ZSWIM6: variants seen among roughly 807,000 people sequenced by gnomAD.
ZSWIM6 encodes the protein zinc finger SWIM-type containing 6, also known as zinc finger SWIM domain-containing protein 6.
ZSWIM6 carries 9 observed loss-of-function variants against 113.2 expected under a neutral mutation model. That is an observed-to-expected ratio of 0.08 (90% CI 0.05 to 0.14). The LOEUF is 0.14. Among genes scored for constraint, ZSWIM6 ranks in the 10% least tolerant of loss-of-function variants. ZSWIM6 has a pLI of 1.00. For synonymous variants in ZSWIM6, 611 were observed against 606.5 expected (o/e 1.01, Z -0.11); for missense variants, 1,162 against 1,552.2 (o/e 0.75, Z 4.22).
chr5:61,372,001 C>G (rs1184967083), intron 1 of ZSWIM6, among the ~76,000 whole-genome samples: 1 of 151,512 alleles, frequency 6.6e-6, no homozygotes, highest in Non-Finnish European at 1.5e-5. Flanking sequence ...TCTTTAATGT[C>G]TACAGAAGAG....
At chr5:61,443,510 C>A (rs907995290) in intron 1 of ZSWIM6, among the ~76,000 whole-genome samples, 1 of 152,022 alleles carries the variant, frequency 6.6e-6, no homozygotes, top group Non-Finnish European at 1.5e-5. Flanking sequence ...GACCCAATAT[C>A]CAGAAAAAGT....
At chr5:61,422,555 T>C (rs1746375213) in intron 1 of ZSWIM6, among the ~76,000 whole-genome samples, 2 of 152,234 alleles carry the variant, frequency 1.3e-5, no homozygotes, top group Non-Finnish European at 2.9e-5. Flanking sequence ...TTGGGTCTTT[T>C]GTGGTTCCAT....
At chr5:61,504,009 A>G (rs890598593) in intron 4 of ZSWIM6, among the ~76,000 whole-genome samples, 1 of 152,226 alleles carries the variant, frequency 6.6e-6, no homozygotes, top group Non-Finnish European at 1.5e-5. Context: ...AGGTGAAAAT[A>G]TGTGCCTGAT....
intron 7 of ZSWIM6, among the ~76,000 whole-genome samples, chr5:61,529,162 G>T (rs1248606779): frequency 6.6e-6 from 1 of 152,096 alleles, no homozygotes; most frequent in Admixed American, 6.5e-5. Flanking sequence ...AGCCAAGATC[G>T]CACCATTGCA....
chr5:61,385,620 A>G (rs1265556818), intron 1 of ZSWIM6, among the ~76,000 whole-genome samples: 1 of 152,182 alleles, frequency 6.6e-6, no homozygotes, highest in Non-Finnish European at 1.5e-5. Flanking sequence ...ATCAATGTTA[A>G]TGCTCTTTTC....
intron 1 of ZSWIM6, among the ~76,000 whole-genome samples, chr5:61,339,249 T>C (rs1744478511): frequency 6.6e-6 from 1 of 152,112 alleles, no homozygotes; most frequent in Admixed American, 6.5e-5. Flanking sequence ...TCTACTAAAA[T>C]GCAAAAATTA....
chr5:61,521,462 CTGCT>C lies in ZSWIM6; in HGVS notation c.1513+22_1513+25del, dbSNP rs776498755. ...ACCAAGGTGAGTCTACCATAATGTT[CTGCT>C]TAAATTGTAGCTACTTAATTATGCA... is the stretch of plus-strand genomic sequence containing the variant. On this transcript the variant is annotated intron_variant, in intron 5 of 13. Transcript: ENST00000252744. 7.0e-7 allele frequency: 1 copy of C among 1,425,224 alleles called. No individual in the cohort carries two copies. The highest frequency in any genetic ancestry group is 1.6e-5 in the South Asian group (1 of 63,066). The allele number at this position is 1,425,224 out of a possible 1,614,324, so 88.3% of individuals were successfully genotyped here. A position where few individuals can be genotyped will look rare whatever the true frequency, so the allele number is the denominator to read the frequency against.
At chr5:61,413,199 A>T (rs1416092774) in intron 1 of ZSWIM6, among the ~76,000 whole-genome samples, 1 of 112,740 alleles carries the variant, frequency 8.9e-6, no homozygotes, top group Non-Finnish European at 1.7e-5. Flanking sequence ...CAGTCCCCAG[A>T]GTGTGATGTT....
At chr5:61,364,057 T>C (rs1745101832) in intron 1 of ZSWIM6, among the ~76,000 whole-genome samples, 1 of 151,144 alleles carries the variant, frequency 6.6e-6, no homozygotes, top group East Asian at 1.9e-4. Context: ...TTTCTCTCTT[T>C]CTTTCTTTTC....
chr5:61,522,531 T>G (rs533365204), intron 5 of ZSWIM6, among the ~76,000 whole-genome samples: 1 of 152,296 alleles, frequency 6.6e-6, no homozygotes, highest in East Asian at 1.9e-4. Context: ...GAAAATGATA[T>G]GTATTACTCC....
chr5:61,425,144 CA>C (rs1746440034), intron 1 of ZSWIM6, among the ~76,000 whole-genome samples: 1 of 152,018 alleles, frequency 6.6e-6, no homozygotes, highest in Non-Finnish European at 1.5e-5. Context: ...AAACCAAGAC[CA>C]TTGATTGTAA....
chr5:61,382,004 A>G (rs1158483735), intron 1 of ZSWIM6, among the ~76,000 whole-genome samples: 2 of 152,216 alleles, frequency 1.3e-5, no homozygotes, highest in Non-Finnish European at 2.9e-5. Context: ...TTGTTGAGGT[A>G]TAGACAGTAG....
chr5:61,409,734 A>G (rs1453920014), intron 1 of ZSWIM6, among the ~76,000 whole-genome samples: 2 of 152,184 alleles, frequency 1.3e-5, no homozygotes, highest in African/African-American at 4.8e-5. Flanking sequence ...ATGCAAATTT[A>G]TTAGCTTTTT....
intron 1 of ZSWIM6, among the ~76,000 whole-genome samples, chr5:61,362,075 AAAGT>A (rs1167816414): frequency 6.6e-6 from 1 of 152,248 alleles, no homozygotes; most frequent in Non-Finnish European, 1.5e-5. Flanking sequence ...ATGTATCAGC[AAAGT>A]AAGTAAATTT....
intron 1 of ZSWIM6, among the ~76,000 whole-genome samples, chr5:61,469,952 C>T (rs1747529085): frequency 6.6e-6 from 1 of 152,192 alleles, no homozygotes; most frequent in African/African-American, 2.4e-5. Context: ...CGTGATCCGC[C>T]TGCCTCGGCC....
At chr5:61,377,166 A>G (rs976550886) in intron 1 of ZSWIM6, among the ~76,000 whole-genome samples, 1 of 152,218 alleles carries the variant, frequency 6.6e-6, no homozygotes, top group South Asian at 2.1e-4. Flanking sequence ...ACATGATAAA[A>G]GTAGCATTTT....
chr5:61,352,337 A>C (rs1480330828), intron 1 of ZSWIM6, among the ~76,000 whole-genome samples: 1 of 152,236 alleles, frequency 6.6e-6, no homozygotes, highest in Non-Finnish European at 1.5e-5. Flanking sequence ...GAAACTGTAA[A>C]TATGTGTGTG....
chr5:61,427,331 G>C (rs577589585), intron 1 of ZSWIM6, among the ~76,000 whole-genome samples: 1 of 152,212 alleles, frequency 6.6e-6, no homozygotes, highest in South Asian at 2.1e-4. Flanking sequence ...TGTAACATAT[G>C]TATATTCACT....
chr5:61,464,918 G>T (rs1172502136), intron 1 of ZSWIM6, among the ~76,000 whole-genome samples: 1 of 152,220 alleles, frequency 6.6e-6, no homozygotes, highest in East Asian at 1.9e-4. Context: ...GCACCAAAGG[G>T]CTCTAATAAA....
Sources: gnomAD v4.1 joint callset for allele counts (sites outside exome capture counted in the v4.1 genomes callset) on GRCh38, gnomAD v4.1.1 for gene constraint, MANE v1.5 for transcripts, NCBI Gene and HGNC (gene_info 2026-07-23, HGNC 2026-07-21) for gene names.